The following CRACD variants were observed in gnomAD, a reference collection of about 807,000 sequenced individuals.
CRACD encodes capping protein-inhibiting regulator of actin dynamics.
A neutral mutation model predicts 106.8 loss-of-function variants in CRACD; 56 were observed. That is an observed-to-expected ratio of 0.52 (90% CI 0.42 to 0.66). The LOEUF is 0.66. CRACD is among the 30% of genes least tolerant of loss of function. CRACD has a pLI of 0.00. For synonymous variants in CRACD, 754 were observed against 670.8 expected, an observed-to-expected ratio of 1.12 and a Z score of -1.92; for missense variants, 1,730 against 1,623.2, an observed-to-expected ratio of 1.07 and a Z score of -1.13.
chr4:56,217,129 G>C (rs1422498062), intron 2 of CRACD, among the ~76,000 whole-genome samples: 1 of 152,096 alleles, frequency 6.6e-6, no homozygotes, highest in Non-Finnish European at 1.5e-5. Context: ...ACTGGCTGGG[G>C]GTCATTGCTC....
intron 1 of CRACD, among the ~76,000 whole-genome samples, chr4:56,127,281 C>G (rs1166832794): frequency 6.6e-6 from 1 of 152,196 alleles, no homozygotes; most frequent in Non-Finnish European, 1.5e-5. Context: ...ATATATTACT[C>G]TATCTCAGAT....
At chr4:56,156,251 C>T (rs140831388) in intron 1 of CRACD, among the ~76,000 whole-genome samples, 89 of 152,302 alleles carry the variant, frequency 5.8e-4, no homozygotes, top group African/African-American at 2.0e-3. Context: ...CATGAGCCAC[C>T]GCACCTGGCC....
chr4:56,160,147 T>C (rs1003307272), intron 1 of CRACD, among the ~76,000 whole-genome samples: 1 of 151,492 alleles, frequency 6.6e-6, no homozygotes, highest in Non-Finnish European at 1.5e-5. Flanking sequence ...TAAGCAATTA[T>C]ACCAGAAAAA....
At chr4:56,209,033 A>C (rs1405261325) in intron 2 of CRACD, among the ~76,000 whole-genome samples, 2 of 152,164 alleles carry the variant, frequency 1.3e-5, no homozygotes, top group East Asian at 3.9e-4. Context: ...ATATCTTGCT[A>C]TCACTATTAA....
At chr4:56,171,068 C>T (rs1461388399) in intron 1 of CRACD, among the ~76,000 whole-genome samples, 1 of 151,816 alleles carries the variant, frequency 6.6e-6, no homozygotes, top group African/African-American at 2.4e-5. Flanking sequence ...AAGAAAGAAA[C>T]AAATAAGATT....
intron 2 of CRACD, among the ~76,000 whole-genome samples, chr4:56,268,444 T>C (rs1346396234): frequency 8.7e-6 from 1 of 114,914 alleles, no homozygotes; most frequent in South Asian, 2.4e-4. Context: ...CAAGGAGCAG[T>C]GTTGGGTAAA....
At chr4:56,164,035 G>A (rs552248373) in intron 1 of CRACD, among the ~76,000 whole-genome samples, 2 of 150,304 alleles carry the variant, frequency 1.3e-5, no homozygotes, top group Admixed American at 1.3e-4. Flanking sequence ...GTGTGAGCCA[G>A]TGCCTGACCT....
rs189658733 is a variant in CRACD, at chr4:56,191,508, C to G, written c.-189+12078C>G. Among the ~76,000 whole-genome samples, 369 of 152,222 alleles carry G rather than the reference C, an allele frequency of 2.4e-3. 1 individual carries two copies. The highest frequency in any genetic ancestry group is 7.7e-3 in the African/African-American group (321 of 41,530). ...ATTTCTGCCTCCCTCTTATAAAGACCCTTGTGAATATACTGGGCCCATCCA... is the reference window on the plus strand; with the variant it reads ...ATTTCTGCCTCCCTCTTATAAAGACGCTTGTGAATATACTGGGCCCATCCA... On this transcript the variant is annotated intron_variant, in intron 2 of 10. Coordinates refer to ENST00000682029, the MANE Select transcript of CRACD (RefSeq NM_001393381.1).
At chr4:56,205,096 C>T (rs921162423) in intron 2 of CRACD, among the ~76,000 whole-genome samples, 8 of 152,092 alleles carry the variant, frequency 5.3e-5, no homozygotes, top group Non-Finnish European at 8.8e-5. Context: ...TTTGAAGCTG[C>T]AATGAGCTAT....
At chr4:56,081,273 C>T (rs17086265) in intron 1 of CRACD, among the ~76,000 whole-genome samples, 2,638 of 152,266 alleles carry the variant, frequency 0.017, 78 homozygotes, top group African/African-American at 0.059. Flanking sequence ...TATTTTTAAC[C>T]ATCCGGGCAG....
At chr4:56,147,654 GT>G (rs1191013626) in intron 1 of CRACD, among the ~76,000 whole-genome samples, 3 of 152,188 alleles carry the variant, frequency 2.0e-5, no homozygotes, top group African/African-American at 7.2e-5. Context: ...GAGTGTATGT[GT>G]AGGAGTAGAA....
chr4:56,107,654 G>A (rs1468900238), intron 1 of CRACD, among the ~76,000 whole-genome samples: 1 of 152,182 alleles, frequency 6.6e-6, no homozygotes, highest in Non-Finnish European at 1.5e-5. Context: ...TTCGAAGGTA[G>A]AGCTGCTTCT....
chr4:56,182,863 A>ATGTG (rs34291347), intron 2 of CRACD, among the ~76,000 whole-genome samples: 5,413 of 144,762 alleles, frequency 0.037, 115 homozygotes, highest in Admixed American at 0.056. Context: ...AAAAAAAGAT[A>ATGTG]TGTGTGTGTG....
chr4:56,160,680 G>A (rs375000432), intron 1 of CRACD, among the ~76,000 whole-genome samples: 11 of 152,324 alleles, frequency 7.2e-5, no homozygotes, highest in African/African-American at 2.6e-4. Context: ...AACCTTGGGA[G>A]TCCCAGTTTC....
At chr4:56,317,559 G>A (rs941645356) in intron 8 of CRACD, among the ~76,000 whole-genome samples, 18 of 152,158 alleles carry the variant, frequency 1.2e-4, no homozygotes, top group Non-Finnish European at 2.1e-4. Context: ...AGGGGGCCTC[G>A]CAGTGATGAT....
chr4:56,092,164 G>A (rs1455795228), intron 1 of CRACD, among the ~76,000 whole-genome samples: 1 of 152,196 alleles, frequency 6.6e-6, no homozygotes, highest in African/African-American at 2.4e-5. Flanking sequence ...GACAGGTTGG[G>A]GTGATGAGTG....
At position 56,153,042 on chromosome 4, in the gene CRACD, G is replaced by A. The variant is rs140713318; in HGVS notation, c.-335-26242G>A. Among the ~76,000 whole-genome samples the A allele has an allele frequency of 3.1e-3, 467 of 152,268 alleles. 1 individual carries two copies. Among genetic ancestry groups the A allele is most frequent in the Non-Finnish European group, 5.7e-3 (390 of 68,020 alleles). ...GCCTATAATCCCAGCACTTTGGGAGGCTGAGGTGGGCGGATCACCTAAGGT... is the reference window on the plus strand; with the variant it reads ...GCCTATAATCCCAGCACTTTGGGAGACTGAGGTGGGCGGATCACCTAAGGT... On this transcript the variant is annotated intron_variant, in intron 1 of 10. Coordinates refer to ENST00000682029, the MANE Select transcript of CRACD (RefSeq NM_001393381.1).
At chr4:56,087,379 C>G (rs1733264546) in intron 1 of CRACD, among the ~76,000 whole-genome samples, 1 of 152,194 alleles carries the variant, frequency 6.6e-6, no homozygotes, top group Non-Finnish European at 1.5e-5. Context: ...TTTCCTAACT[C>G]AATGACTTTG....
intron 1 of CRACD, among the ~76,000 whole-genome samples, chr4:56,091,586 C>T (rs570964964): frequency 1.4e-3 from 210 of 152,150 alleles, no homozygotes; most frequent in Admixed American, 2.2e-3. Context: ...GTTTCAGGGG[C>T]TGTGGGAAAG....
Sources: gnomAD v4.1 joint callset for allele counts (sites outside exome capture counted in the v4.1 genomes callset) on GRCh38, gnomAD v4.1.1 for gene constraint, MANE v1.5 for transcripts, NCBI Gene and HGNC (gene_info 2026-07-23, HGNC 2026-07-21) for gene names.